TNR: variants seen among roughly 807,000 people sequenced by gnomAD.
TNR encodes tenascin R, also known as tenascin-R.
In TNR, 45 loss-of-function variants were observed where a neutral mutation model predicts 150.4. The ratio of observed to expected loss-of-function variants is 0.30; its 90% confidence interval spans 0.24 to 0.38. TNR has a LOEUF of 0.38. Among genes scored for constraint, TNR ranks in the 10% least tolerant of loss-of-function variants. TNR has a pLI of 1.00. For missense variants in TNR, 1,544 were observed against 1,759.1 expected (o/e 0.88, Z 2.19); for synonymous variants, 687 against 678.4 (o/e 1.01, Z -0.20).
intron 20 of TNR, among the ~76,000 whole-genome samples, chr1:175,332,810 T>G (rs1650012563): frequency 6.6e-6 from 1 of 152,194 alleles, no homozygotes. Context: ...TCTTCCTTCT[T>G]TGAATATCTG....
Position 175,396,601 on chromosome 1 carries a change from C to A in TNR, c.1183G>T (p.Val395Phe). ...AGGATGTTGCTAATGACAGCGTAGA[C>A]GCTGATGTTGTAGGTGAGACCTGGC... ...LEPGLTYNIS[V>F]YAVISNILSL... The change falls in exon 5 of 23, where the codon GTC becomes TTC. Residue 395 changes from valine to phenylalanine, a missense_variant. This residue lies in a region of TNR where 1,254 missense variants were observed against 1,329.4 expected (regional missense o/e 0.94). Transcript: ENST00000367674. The A allele has an allele frequency of 6.2e-7, 1 of 1,614,228 alleles. No individual in the cohort carries two copies. The highest frequency in any genetic ancestry group is 8.5e-7 in the Non-Finnish European group (1 of 1,180,046).
intron 2 of TNR, among the ~76,000 whole-genome samples, chr1:175,498,010 A>T (rs1658560850): frequency 1.3e-5 from 2 of 152,200 alleles, no homozygotes. Flanking sequence ...CAGTAAGCCG[A>T]GATCATGCCA....
intron 4 of TNR, among the ~76,000 whole-genome samples, chr1:175,401,297 T>A (rs1238884347): frequency 6.6e-6 from 1 of 152,178 alleles, no homozygotes. Context: ...AAGAAGCATG[T>A]GCGCTACAGA....
At chr1:175,462,597 T>A (rs976747490) in intron 2 of TNR, among the ~76,000 whole-genome samples, 2 of 152,206 alleles carry the variant, frequency 1.3e-5, no homozygotes, top group Admixed American at 6.5e-5. Context: ...ATCTTGCTAA[T>A]TTTGTGTATT....
At chr1:175,663,226 A>G (rs1359574997) in intron 1 of TNR, among the ~76,000 whole-genome samples, 2 of 151,934 alleles carry the variant, frequency 1.3e-5, no homozygotes, top group Non-Finnish European at 2.9e-5. Flanking sequence ...CTGGCCCCTC[A>G]CTCAGGGACA....
chr1:175,720,159 AT>A (rs1260388319), intron 1 of TNR, among the ~76,000 whole-genome samples: 1 of 152,218 alleles, frequency 6.6e-6, no homozygotes, highest in Non-Finnish European at 1.5e-5. Context: ...TATGGAAGTA[AT>A]TAAGGTTAAA....
At chr1:175,344,452 T>C (rs1462054967) in intron 18 of TNR, among the ~76,000 whole-genome samples, 1 of 152,234 alleles carries the variant, frequency 6.6e-6, no homozygotes, top group Non-Finnish European at 1.5e-5. Flanking sequence ...GAATTGGTCT[T>C]AGATTCCCTG....
intron 2 of TNR, among the ~76,000 whole-genome samples, chr1:175,522,350 C>T (rs1659671348): frequency 6.6e-6 from 1 of 152,160 alleles, no homozygotes; most frequent in Non-Finnish European, 1.5e-5. Context: ...GGGAGCTAAG[C>T]TATGAGGATG....
At chr1:175,675,481 G>A (rs1178828925) in intron 1 of TNR, among the ~76,000 whole-genome samples, 2 of 152,206 alleles carry the variant, frequency 1.3e-5, no homozygotes, top group Non-Finnish European at 2.9e-5. Flanking sequence ...AGTGTGCAGT[G>A]TATACATGCT....
In TNR at chr1:175,405,618, AGTGTGTGTGTGTGTGTGT is replaced by A. The variant is rs60670165; in HGVS notation, c.499+580_499+597del. ...GAGAGAGAGAGTATGTGTGTGTGAG[AGTGTGTGTGTGTGTGTGT>A]GTGTGTGTGTGTGCATACGCTTCTG... is the stretch of plus-strand genomic sequence containing the variant. On this transcript the variant is annotated intron_variant, in intron 3 of 22. Transcript: ENST00000367674. 5.3e-5 allele frequency among the ~76,000 whole-genome samples: 8 copies of A among 150,204 alleles called. 1 individual carries two copies. Among genetic ancestry groups the A allele is most frequent in the African/African-American group, 2.0e-4 (8 of 40,862 alleles).
chr1:175,459,152 A>G (rs1656705827), intron 2 of TNR, among the ~76,000 whole-genome samples: 1 of 150,588 alleles, frequency 6.6e-6, no homozygotes, highest in Non-Finnish European at 1.5e-5. Context: ...CTCCACCACT[A>G]CCACCAACAC....
intron 1 of TNR, among the ~76,000 whole-genome samples, chr1:175,722,991 C>T (rs1667359761): frequency 1.3e-5 from 2 of 152,014 alleles, no homozygotes; most frequent in African/African-American, 4.8e-5. Flanking sequence ...GGGGTTTCAC[C>T]ATGTTGGCCA....
At chr1:175,538,419 C>A (rs142229824) in intron 1 of TNR, among the ~76,000 whole-genome samples, 1 of 152,178 alleles carries the variant, frequency 6.6e-6, no homozygotes, top group Non-Finnish European at 1.5e-5. Flanking sequence ...ATTAATCCAA[C>A]GTGGAGGAGT....
intron 16 of TNR, 92 bp from the exon 17 acceptor site, chr1:175,355,725 T>G: frequency 6.4e-7 from 1 of 1,564,336 alleles, no homozygotes; most frequent in Non-Finnish European, 8.7e-7. Context: ...CCCACCTCTT[T>G]GGTCTCAGGA....
chr1:175,561,645 G>T (rs1661431757), intron 1 of TNR, among the ~76,000 whole-genome samples: 1 of 152,184 alleles, frequency 6.6e-6, no homozygotes, highest in South Asian at 2.1e-4. Flanking sequence ...TTCAGAGGAG[G>T]AAAACACAGA....
At chr1:175,324,318 C>T (rs1334328930) in intron 22 of TNR, 38 bp downstream of exon 22, 75 of 1,601,668 alleles carry the variant, frequency 4.7e-5, no homozygotes, top group Non-Finnish European at 6.3e-5. Flanking sequence ...GATTCCACAG[C>T]TCTGGCTCAT....
At chr1:175,630,822 A>AT (rs1664301779) in intron 1 of TNR, among the ~76,000 whole-genome samples, 1 of 152,016 alleles carries the variant, frequency 6.6e-6, no homozygotes, top group Non-Finnish European at 1.5e-5. Context: ...TTGCAAAAAA[A>AT]AAGGAAGCCG....
chr1:175,742,402 A>G (rs1291074904), intron 1 of TNR, among the ~76,000 whole-genome samples: 1 of 152,124 alleles, frequency 6.6e-6, no homozygotes, highest in Admixed American at 6.5e-5. Context: ...GCCCCAGAAA[A>G]CAGGGCAGAA....
At chr1:175,357,441 C>A (rs1470160927) in intron 15 of TNR, among the ~76,000 whole-genome samples, 2 of 152,160 alleles carry the variant, frequency 1.3e-5, no homozygotes, top group Admixed American at 6.5e-5. Flanking sequence ...TAAAGGCATA[C>A]AAACAAGTTA....
Sources: allele counts gnomAD v4.1 joint callset (sites outside exome capture counted in the v4.1 genomes callset), GRCh38; gene constraint gnomAD v4.1.1; regional missense constraint gnomAD v4.1.1; transcripts MANE v1.5; gene names NCBI Gene and HGNC (gene_info 2026-07-23, HGNC 2026-07-21).